The following CAMSAP2 variants were observed in gnomAD, a reference collection of about 807,000 sequenced individuals.
The protein encoded by CAMSAP2 is calmodulin-regulated spectrin-associated protein 2.
Under a neutral mutation model 146.1 loss-of-function variants are expected in CAMSAP2, and 26 were observed. That is an observed-to-expected ratio of 0.18 (90% CI 0.13 to 0.25). The LOEUF (loss-of-function observed/expected upper bound fraction) is 0.25. Ranked by LOEUF, CAMSAP2 falls within the 10% of genes least tolerant of loss-of-function variation. The pLI is 1.00. For synonymous variants in CAMSAP2, 499 were observed against 596.6 expected (o/e 0.84, Z 2.38); for missense variants, 1,381 against 1,759.3 (o/e 0.78, Z 3.85).
rs1451443244 is a variant in CAMSAP2, at chr1:200,754,335, T to C, written c.140-6504T>C. 2.6e-5 allele frequency among the ~76,000 whole-genome samples: 4 copies of C among 152,282 alleles called. No homozygotes were observed. The East Asian group carries it at 7.7e-4, about 29-fold the overall frequency. On this transcript the variant is annotated intron_variant, in intron 1 of 16. Coordinates refer to ENST00000358823, the MANE Select transcript of CAMSAP2 (RefSeq NM_203459.4). ...ATAATGTTTGTTCCAGTATAGGTGATGTTAACTTTGATCACCTGGTCAAAG... is the reference window on the plus strand; with the variant it reads ...ATAATGTTTGTTCCAGTATAGGTGACGTTAACTTTGATCACCTGGTCAAAG...
intron 4 of CAMSAP2, among the ~76,000 whole-genome samples, chr1:200,816,910 G>GTATA (rs1666554124): frequency 2.8e-5 from 2 of 70,754 alleles, no homozygotes; most frequent in Non-Finnish European, 2.7e-5. Flanking sequence ...ACACACACGC[G>GTATA]TGTGTATGTG....
At chr1:200,791,650 C>T (rs1665756556) in intron 2 of CAMSAP2, among the ~76,000 whole-genome samples, 1 of 151,932 alleles carries the variant, frequency 6.6e-6, no homozygotes, top group Non-Finnish European at 1.5e-5. Context: ...TCCTGTGGTC[C>T]CTTTCAAAGA....
At chr1:200,748,021 A>C (rs1664389090) in intron 1 of CAMSAP2, among the ~76,000 whole-genome samples, 3 of 151,500 alleles carry the variant, frequency 2.0e-5, no homozygotes, top group South Asian at 4.2e-4. Flanking sequence ...TGGCTGTAGC[A>C]GTTCTAGGTC....
At chr1:200,817,186 ACACATGTGTGTGTG>A (rs1666602409) in intron 4 of CAMSAP2, among the ~76,000 whole-genome samples, 2 of 80,228 alleles carry the variant, frequency 2.5e-5, no homozygotes, top group Non-Finnish European at 4.6e-5. Flanking sequence ...ATACACACAC[ACACATGTGTGTGTG>A]TATACACACA....
intron 6 of CAMSAP2, among the ~76,000 whole-genome samples, chr1:200,839,391 G>T (rs1207293102): frequency 1.3e-5 from 2 of 152,148 alleles, no homozygotes; most frequent in Non-Finnish European, 2.9e-5. Flanking sequence ...GGAATGAGGA[G>T]AAACTAGAGA....
intron 2 of CAMSAP2, among the ~76,000 whole-genome samples, chr1:200,765,529 A>G (rs1179306711): frequency 6.6e-6 from 1 of 152,076 alleles, no homozygotes; most frequent in Non-Finnish European, 1.5e-5. Flanking sequence ...GCACCCGGCC[A>G]TATGTTATGT....
chr1:200,791,363 G>A (rs1326107368), intron 2 of CAMSAP2, among the ~76,000 whole-genome samples: 1 of 151,758 alleles, frequency 6.6e-6, no homozygotes, highest in African/African-American at 2.4e-5. Context: ...TATTTACCCC[G>A]TTGGGGATTT....
In CAMSAP2 at chr1:200,859,860, A is replaced by T. The variant is rs1667837009; in HGVS notation, c.*1801A>T. 6.6e-6 allele frequency: 1 copy of T among 152,236 alleles called. No individual in the cohort carries two copies. Among genetic ancestry groups the T allele is most frequent in the East Asian group, 1.9e-4 (1 of 5,288 alleles). The allele number at this position is 152,236 out of a possible 1,614,324, so 9.4% of individuals were successfully genotyped here. A position where few individuals can be genotyped will look rare whatever the true frequency, so the allele number is the denominator to read the frequency against. On this transcript the variant is annotated 3_prime_UTR_variant, in exon 17 of 17. Coordinates refer to ENST00000358823, the MANE Select transcript of CAMSAP2 (RefSeq NM_203459.4). ...AACTAGTTTAAAAAATTATAAATGAATCTAATCAAAATGTGAATAGTAGTC... is the reference window on the plus strand; with the variant it reads ...AACTAGTTTAAAAAATTATAAATGATTCTAATCAAAATGTGAATAGTAGTC...
intron 3 of CAMSAP2, among the ~76,000 whole-genome samples, chr1:200,811,682 C>T (rs1374872853): frequency 6.6e-6 from 1 of 152,192 alleles, no homozygotes; most frequent in East Asian, 1.9e-4. Flanking sequence ...TCCACTATTA[C>T]CAGAACCAGA....
rs2102274508 is a variant in CAMSAP2, at chr1:200,858,986, C to G, written c.*927C>G. The G allele has an allele frequency of 6.6e-6, 1 of 152,512 alleles. No homozygotes were observed. The highest frequency in any genetic ancestry group is 1.9e-4 in the East Asian group (1 of 5,246). 9.4% of individuals were successfully genotyped at this position (152,512 alleles called of 1,614,324 possible). ...TTCCTGAAACAAGTTCTCAAGAAGT[C>G]TTTACATTATATTTATAACTCATAT... is the stretch of plus-strand genomic sequence containing the variant. On this transcript the variant is annotated 3_prime_UTR_variant, in exon 17 of 17. Coordinates refer to ENST00000358823, the MANE Select transcript of CAMSAP2 (RefSeq NM_203459.4).
chr1:200,849,271 G>A lies in CAMSAP2; in HGVS notation c.2502G>A (p.Leu834=), dbSNP rs780558037. ...QKTDGQRSKS[L]ADIKESMENP... ...CTGATGGACAAAGGAGCAAGTCACT[G>A]GCAGATATAAAAGAGAGCATGGAGA... The change falls in exon 11 of 17, where the codon CTG becomes CTA. Residue 834 remains leucine, a synonymous_variant. Coordinates refer to ENST00000358823, the MANE Select transcript of CAMSAP2 (RefSeq NM_203459.4). This position sits in a 1 kb window ranked among gnomAD's most constrained non-coding sequence, Gnocchi z 6.3. 10 of 1,613,828 alleles carry A rather than the reference G, an allele frequency of 6.2e-6. No homozygotes were observed. The highest frequency in any genetic ancestry group is 1.3e-5 in the African/African-American group (1 of 74,924).
chr1:200,776,381 C>T (rs1665279352), intron 2 of CAMSAP2, among the ~76,000 whole-genome samples: 1 of 152,182 alleles, frequency 6.6e-6, no homozygotes, highest in Non-Finnish European at 1.5e-5. Context: ...CTGTTTTTGT[C>T]CTGAGCCAGA....
At chr1:200,817,219 T>TGTGTGTGTGTATACACACATACACAC (rs1666613369) in intron 4 of CAMSAP2, among the ~76,000 whole-genome samples, 6 of 105,802 alleles carry the variant, frequency 5.7e-5, no homozygotes, top group Admixed American at 1.8e-4. Context: ...CATACACACA[T>TGTGTGTGTGTATACACACATACACAC]ATGTGTGTGT....
chr1:200,831,354 T>C (rs1667038368), intron 4 of CAMSAP2, among the ~76,000 whole-genome samples: 1 of 152,172 alleles, frequency 6.6e-6, no homozygotes, highest in East Asian at 1.9e-4. Flanking sequence ...GGTACTATTA[T>C]TACGCCAGTT....
Position 200,848,053 on chromosome 1 carries a change from A to T in CAMSAP2, c.1284A>T (p.Ser428=). 6.5e-7 allele frequency: 1 copy of T among 1,549,876 alleles called. No individual in the cohort carries two copies. The highest frequency in any genetic ancestry group is 8.7e-7 in the Non-Finnish European group (1 of 1,152,244). The part of the protein sequence containing the change: ...KEKRSSVHGV[S]FDISFDKEDS... ...TTAGATCATCAGTGCATGGCGTATCATTTGATATTTCTTTTGATAAAGAAG... is the reference window on the plus strand; with the variant it reads ...TTAGATCATCAGTGCATGGCGTATCTTTTGATATTTCTTTTGATAAAGAAG... Residue 428 remains serine, a synonymous_variant, in exon 11 of 17, where the codon TCA becomes TCT. Coordinates refer to ENST00000358823, the MANE Select transcript of CAMSAP2 (RefSeq NM_203459.4).
chr1:200,780,641 T>C (rs886717043), intron 2 of CAMSAP2, among the ~76,000 whole-genome samples: 1 of 152,156 alleles, frequency 6.6e-6, no homozygotes, highest in Non-Finnish European at 1.5e-5. Context: ...CATGCTAATA[T>C]GGTAGTTGCT....
chr1:200,754,833 C>T (rs925845542), intron 1 of CAMSAP2, among the ~76,000 whole-genome samples: 1 of 152,104 alleles, frequency 6.6e-6, no homozygotes, highest in African/African-American at 2.4e-5. Flanking sequence ...CTGCCTGCCT[C>T]GGCCTCCCAA....
Position 200,857,851 on chromosome 1 carries a change from A to G in CAMSAP2, c.4229A>G (p.Glu1410Gly). The stretch of plus-strand genomic sequence containing the variant: ...TACACTTATTGCCCAGAAACTGAAG[A>G]AATCAATAAACTGACTGGGATAGGC... ...SLYTYCPETE[E>G]INKLTGIGPK... The change falls in exon 17 of 17, where the codon GAA (glutamate) becomes GGA (glycine). Residue 1410 changes from glutamate to glycine, a missense_variant. Physicochemically the swap from Glu to Gly is moderately conservative, Grantham distance 98 (BLOSUM62 -2). Around this residue, in one of 4 missense-constraint regions of CAMSAP2, gnomAD observed 90 missense variants for 174.4 expected, o/e 0.52. Coordinates refer to ENST00000358823, the MANE Select transcript of CAMSAP2 (RefSeq NM_203459.4). This position sits in a 1 kb window ranked among gnomAD's most constrained non-coding sequence, Gnocchi z 4.7. The G allele has an allele frequency of 6.2e-7, 1 of 1,613,884 alleles. No individual in the cohort carries two copies. The highest frequency in any genetic ancestry group is 2.2e-5 in the East Asian group (1 of 44,856).
chr1:200,844,800 T>A lies in CAMSAP2; in HGVS notation c.1040T>A (p.Met347Lys), dbSNP rs1302875282. 1 of 1,590,422 alleles carries A rather than the reference T, an allele frequency of 6.3e-7. No homozygotes were observed. The highest frequency in any genetic ancestry group is 8.5e-7 in the Non-Finnish European group (1 of 1,171,176). ...RPQGAEPVKD[M>K]PSIPVLNAAK... is the part of the protein sequence containing the mutation. ...ATTCCAGCTGAACCTGTAAAAGATA[T>A]GCCTTCAATTCCTGTCTTGAATGCT... The change falls in exon 8 of 17, where the codon ATG becomes AAG. Residue 347 changes from methionine (M) to lysine (K), a missense_variant. By Grantham distance (95) the Met-to-Lys change is moderately conservative (BLOSUM62 -1). Transcript: ENST00000358823.
Sources: gnomAD v4.1 joint callset for allele counts (sites outside exome capture counted in the v4.1 genomes callset) on GRCh38, gnomAD v4.1.1 for gene constraint, gnomAD v4.1.1 regional missense constraint, Gnocchi (gnomAD v3.1) non-coding constraint, MANE v1.5 for transcripts, NCBI Gene and HGNC (gene_info 2026-07-23, HGNC 2026-07-21) for gene names.